NPR1: variants seen among roughly 807,000 people sequenced by gnomAD.
The protein encoded by NPR1 is atrial natriuretic peptide receptor 1.
In NPR1, 57 loss-of-function variants were observed where a neutral mutation model predicts 116.9. The observed-to-expected ratio is 0.49, with a 90% CI of 0.39 to 0.61. NPR1 has a LOEUF of 0.61. Among genes scored for constraint, NPR1 ranks in the 20% least tolerant of loss-of-function variants. The probability of loss-of-function intolerance (pLI) is 0.00; values close to 1 mark genes in which losing one functional copy is unlikely to be tolerated. For missense variants in NPR1, 1,096 were observed against 1,409.8 expected, an observed-to-expected ratio of 0.78 and a Z score of 3.56; for synonymous variants, 555 against 601.6, an observed-to-expected ratio of 0.92 and a Z score of 1.13.
chr1:153,680,342 T>A (rs1316421300), intron 1 of NPR1, among the ~76,000 whole-genome samples, 159 bp from the exon 2 acceptor site: 1 of 119,652 alleles, frequency 8.4e-6, no homozygotes, highest in Non-Finnish European at 1.6e-5. Context: ...GACTTTCTCC[T>A]GCTGTGGCCT....
At chr1:153,685,764 G>A in intron 8 of NPR1, 42 bp from the exon 9 acceptor site, 1 of 1,503,286 alleles carries the variant, frequency 6.7e-7, no homozygotes. Flanking sequence ...ATGCAGACTG[G>A]GCCCACCGGC....
At chr1:153,688,884 G>A in intron 15 of NPR1, 69 bp from the exon 16 acceptor site, 7 of 1,572,972 alleles carry the variant, frequency 4.5e-6, no homozygotes, top group Admixed American at 1.8e-5. Context: ...GAAGTGCCTA[G>A]GGGCGGGCGC....
At position 153,681,313 on chromosome 1, in the gene NPR1, CCCTCCAGCGTGGA is replaced by C. The variant is rs1300578441; in HGVS notation, c.1035+29_1035+41del. 3.5e-6 allele frequency: 5 copies of C among 1,447,232 alleles called. No individual in the cohort carries two copies. The highest frequency in any genetic ancestry group is 1.7e-5 in the Admixed American group (1 of 59,756). The allele number at this position is 1,447,232 out of a possible 1,614,324, so 89.6% of individuals were successfully genotyped here. The stretch of plus-strand genomic sequence containing the variant: ...GGCCTGGTAAGAAGGGGTCCCGGGA[CCCTCCAGCGTGGA>C]CCTCCAGCCCCCACTCCATGACCCT... On this transcript the variant is annotated intron_variant, in intron 3 of 21. Coordinates refer to ENST00000368680, the MANE Select transcript of NPR1 (RefSeq NM_000906.4).
intron 7 of NPR1, among the ~76,000 whole-genome samples, chr1:153,684,582 G>A (rs1669875954): frequency 6.6e-6 from 1 of 151,846 alleles, no homozygotes; most frequent in Non-Finnish European, 1.5e-5. Context: ...AGTAGAGACA[G>A]GGTTTCACCA....
rs865805389 is a variant in NPR1, at chr1:153,683,728, T to C, written c.1400-12T>C. ...AAATCTCTCTTGCTGCAATATGGAC[T>C]CTCTCCTGCAGATCACCTTTCCACC... On this transcript the variant is annotated splice_polypyrimidine_tract_variant and intron_variant, in intron 6 of 21. Coordinates refer to ENST00000368680, the MANE Select transcript of NPR1 (RefSeq NM_000906.4). The C allele has an allele frequency of 2.9e-5, 46 of 1,613,788 alleles. 2 individuals carry two copies. In the Middle Eastern group the frequency reaches 4.9e-3, roughly 174 times the overall value.
chr1:153,688,725 A>T (rs755648960), intron 15 of NPR1: 1 of 578,202 alleles, frequency 1.7e-6, no homozygotes, highest in Non-Finnish European at 3.1e-6. Context: ...AAGATGAACA[A>T]AATGTCCATA....
Position 153,689,742 on chromosome 1 carries a change from T to A in NPR1, c.2758-64T>A, listed in dbSNP as rs780550968. 10 of 1,442,498 alleles carry A rather than the reference T, an allele frequency of 6.9e-6. No homozygotes were observed. The allele number at this position is 1,442,498 out of a possible 1,614,324, so 89.4% of individuals were successfully genotyped here. On this transcript the variant is annotated intron_variant, in intron 18 of 21. Coordinates refer to ENST00000368680, the MANE Select transcript of NPR1 (RefSeq NM_000906.4). The surrounding 1 kb of genome is among the most constrained non-coding windows in gnomAD (Gnocchi z 5.1). Reference sequence around the variant, plus strand: ...AGAATGACAGACGCTGCACCCGGTGTGACGGTGTGGCCGGCCGCACAGTTG... The same window carrying A: ...AGAATGACAGACGCTGCACCCGGTGAGACGGTGTGGCCGGCCGCACAGTTG...
rs751368650 is a variant in NPR1 at position 153,687,620 on chromosome 1, C to T, written c.2093-14C>T. The T allele has an allele frequency of 8.9e-6, 14 of 1,570,912 alleles. No homozygotes were observed. The highest frequency in any genetic ancestry group is 1.7e-4 in the Middle Eastern group (1 of 5,860). On this transcript the variant is annotated splice_polypyrimidine_tract_variant and intron_variant, in intron 13 of 21. Coordinates refer to ENST00000368680, the MANE Select transcript of NPR1 (RefSeq NM_000906.4). Reference sequence around the variant, plus strand: ...GGCTCCCTCACTCGGTGACTACCGACCTCTGACCCACAGAAAAGCTGTGGA... The same window carrying T: ...GGCTCCCTCACTCGGTGACTACCGATCTCTGACCCACAGAAAAGCTGTGGA...
Position 153,679,142 on chromosome 1 carries a change from C to A in NPR1, c.34C>A (p.Leu12Met), listed in dbSNP as rs1171762496. The A allele has an allele frequency of 6.8e-7, 1 of 1,465,790 alleles. No homozygotes were observed. Among genetic ancestry groups the A allele is most frequent in the Admixed American group, 2.6e-5 (1 of 38,748 alleles). 90.8% of individuals were successfully genotyped at this position (1,465,790 alleles called of 1,614,324 possible). Residue 12 changes from leucine to methionine, a missense_variant, in exon 1 of 22, where the codon CTG becomes ATG. Transcript: ENST00000368680. This position sits in a 1 kb window ranked among gnomAD's most constrained non-coding sequence, Gnocchi z 4.2. The part of the protein sequence containing the change: ...PGPRRPAGSR[L>M]RLLLLLLLPP... ...GCCCCGGCGCCCCGCTGGCTCCCGCCTGCGCCTGCTCCTGCTCCTGCTGCT... is the reference window on the plus strand; with the variant it reads ...GCCCCGGCGCCCCGCTGGCTCCCGCATGCGCCTGCTCCTGCTCCTGCTGCT...
In NPR1 at chr1:153,679,688, G is replaced by A. The variant is rs758993261; in HGVS notation, c.580G>A (p.Glu194Lys). Residue 194 changes from glutamate (E) to lysine (K), a missense_variant, in exon 1 of 22, where the codon GAG (glutamate) becomes AAG (lysine). Transcript: ENST00000368680. The surrounding 1 kb of genome is among the most constrained non-coding windows in gnomAD (Gnocchi z 4.2). ...MLYAYRPGDEEHCFFLVEGLF... is the reference protein window; with the variant it reads ...MLYAYRPGDEKHCFFLVEGLF... ...CTACGCCTACCGGCCGGGTGACGAA[G>A]AGCACTGCTTCTTCCTCGTGGAGGG... 22 of 1,609,558 alleles carry A rather than the reference G, an allele frequency of 1.4e-5. No homozygotes were observed. Among genetic ancestry groups the A allele is most frequent in the Admixed American group, 5.0e-5 (3 of 59,786 alleles).
At position 153,681,166 on chromosome 1, in the gene NPR1, G is replaced by C; in HGVS notation, c.922-14G>C. ...AGCTCCCAACTCTCTGCTCTCCACT[G>C]ACCCCTTTCTCAGGCTGCCAAAATC... is the stretch of plus-strand genomic sequence containing the variant. On this transcript the variant is annotated splice_polypyrimidine_tract_variant and intron_variant, in intron 2 of 21. Transcript: ENST00000368680. 2 of 1,506,530 alleles carry C rather than the reference G, an allele frequency of 1.3e-6. No homozygotes were observed. Among genetic ancestry groups the C allele is most frequent in the Non-Finnish European group, 1.8e-6 (2 of 1,082,172 alleles). The allele number at this position is 1,506,530 out of a possible 1,614,324, so 93.3% of individuals were successfully genotyped here.
rs1322935277 is a variant in NPR1 at position 153,683,371 on chromosome 1, C to G, written c.1264-5C>G. ...GGCCTAGCCACCACTCCTGCTCTCC[C>G]TTAGGTTGTACTGAACTACAATGGG... On this transcript the variant is annotated splice_polypyrimidine_tract_variant and splice_region_variant and intron_variant, in intron 5 of 21. Coordinates refer to ENST00000368680, the MANE Select transcript of NPR1 (RefSeq NM_000906.4). The G allele has an allele frequency of 6.2e-7, 1 of 1,613,812 alleles. No individual in the cohort carries two copies. The highest frequency in any genetic ancestry group is 8.5e-7 in the Non-Finnish European group (1 of 1,179,834).
intron 11 of NPR1, 115 bp from the exon 12 acceptor site, chr1:153,686,901 A>G (rs2101735366): frequency 7.7e-7 from 1 of 1,291,672 alleles, no homozygotes; most frequent in African/African-American, 1.5e-5. Context: ...GTGGCACTAG[A>G]GTCAATCCAA....
At position 153,688,065 on chromosome 1, in the gene NPR1, G is replaced by T; in HGVS notation, c.2261G>T (p.Arg754Leu). 1.9e-6 allele frequency: 3 copies of T among 1,608,954 alleles called. No homozygotes were observed. Among genetic ancestry groups the T allele is most frequent in the South Asian group, 1.1e-5 (1 of 90,606 alleles). The change falls in exon 15 of 22, where the codon CGG (arginine) becomes CTG (leucine). Residue 754 changes from arginine (R) to leucine (L), a missense_variant. Arg to Leu is a moderately radical substitution (Grantham distance 102, BLOSUM62 -2). Transcript: ENST00000368680. Reference protein sequence around the residue: ...LDLSPKEIIERVTRGEQPPFR... With the variant: ...LDLSPKEIIELVTRGEQPPFR... ...CCCCCCAATACAGAGATCATCGAGC[G>T]GGTGACTCGGGGTGAGCAGCCCCCC...
chr1:153,685,615 G>A (rs1038651105), intron 8 of NPR1, among the ~76,000 whole-genome samples, 191 bp from the exon 9 acceptor site: 10 of 152,030 alleles, frequency 6.6e-5, no homozygotes, highest in African/African-American at 2.2e-4. Flanking sequence ...AGTGACCTAG[G>A]ATAGCACCAC....
chr1:153,685,342 TGAG>T (rs1020631193), intron 8 of NPR1, among the ~76,000 whole-genome samples: 9 of 144,066 alleles, frequency 6.2e-5, no homozygotes, highest in African/African-American at 2.3e-4. Flanking sequence ...AAAAAGTAAA[TGAG>T]GAGGAAATTT....
chr1:153,691,552 G>C (rs535823081), intron 20 of NPR1, among the ~76,000 whole-genome samples: 38 of 152,098 alleles, frequency 2.5e-4, no homozygotes, highest in Non-Finnish European at 5.6e-4. Context: ...TTTGGGGGCT[G>C]TCAGAGTACA....
Position 153,686,720 on chromosome 1 carries a change from C to T in NPR1, c.1833C>T (p.Leu611=). The T allele has an allele frequency of 6.2e-7, 1 of 1,613,812 alleles. No homozygotes were observed. Among genetic ancestry groups the T allele is most frequent in the Non-Finnish European group, 8.5e-7 (1 of 1,179,836 alleles). ...CCGACCCCCCCAATATCTGCATCCT[C>T]ACAGAGTACTGTCCCCGTGGGAGCC... is the stretch of plus-strand genomic sequence containing the variant. ...ACTDPPNICI[L]TEYCPRGSLQ... The change falls in exon 11 of 22, where the codon CTC becomes CTT. Residue 611 remains leucine (L), a synonymous_variant. Transcript: ENST00000368680.
chr1:153,693,732 T>A lies in NPR1; in HGVS notation c.*318T>A, dbSNP rs1216374352. 1 of 405,374 alleles carries A rather than the reference T, an allele frequency of 2.5e-6. No homozygotes were observed. The highest frequency in any genetic ancestry group is 4.4e-5 in the Admixed American group (1 of 22,798). The allele number at this position is 405,374 out of a possible 1,614,324, so 25.1% of individuals were successfully genotyped here. A position where few individuals can be genotyped will look rare whatever the true frequency, so the allele number is the denominator to read the frequency against. On this transcript the variant is annotated 3_prime_UTR_variant, in exon 22 of 22. Transcript: ENST00000368680. Reference sequence around the variant, plus strand: ...TCCTGATCCCCTCCCCTCCCCATGCTCTCCTCCCTCAGCCTTGCTACCCTG... The same window carrying A: ...TCCTGATCCCCTCCCCTCCCCATGCACTCCTCCCTCAGCCTTGCTACCCTG...
Sources: allele counts gnomAD v4.1 joint callset (sites outside exome capture counted in the v4.1 genomes callset), GRCh38; gene constraint gnomAD v4.1.1; non-coding constraint Gnocchi (gnomAD v3.1); transcripts MANE v1.5; gene names NCBI Gene and HGNC (gene_info 2026-07-23, HGNC 2026-07-21).